Variants in DLG2 observed in about 807,000 individuals in gnomAD.
DLG2 encodes disks large homolog 2.
In DLG2, 45 loss-of-function variants were observed where a neutral mutation model predicts 132.5. That is an observed-to-expected ratio of 0.34 (90% CI 0.27 to 0.44). The LOEUF (loss-of-function observed/expected upper bound fraction) is 0.44, where lower values mean the gene tolerates loss of function less well. DLG2 is among the 20% of genes least tolerant of loss of function. The pLI, the probability that DLG2 is intolerant of heterozygous loss-of-function variation, is 1.00. For missense variants in DLG2, 1,045 were observed against 1,196.9 expected (o/e 0.87, Z 1.87); for synonymous variants, 424 against 419.6 (o/e 1.01, Z -0.13).
intron 3 of DLG2, among the ~76,000 whole-genome samples, chr11:85,494,895 A>T (rs1311875114): frequency 1.1e-4 from 1 of 9,062 alleles, no homozygotes; most frequent in African/African-American, 1.4e-4. Context: ...GTGATACCAT[A>T]AAAAAAACAG....
At chr11:84,735,378 G>T (rs1440483282) in intron 6 of DLG2, among the ~76,000 whole-genome samples, 1 of 152,134 alleles carries the variant, frequency 6.6e-6, no homozygotes, top group Non-Finnish European at 1.5e-5. Flanking sequence ...GGATATATGT[G>T]TCAAGGAATT....
chr11:83,470,182 A>G (rs1396404159), intron 24 of DLG2, among the ~76,000 whole-genome samples: 1 of 152,028 alleles, frequency 6.6e-6, no homozygotes, highest in Non-Finnish European at 1.5e-5. Context: ...TATTTTTGTC[A>G]CAATTCATAA....
intron 21 of DLG2, among the ~76,000 whole-genome samples, chr11:83,496,560 G>A (rs1334983702): frequency 2.0e-5 from 3 of 152,014 alleles, no homozygotes; most frequent in Non-Finnish European, 4.4e-5. Context: ...TCCATCAACA[G>A]GTAAATTAAT....
At chr11:84,380,263 T>G (rs2098744698) in intron 7 of DLG2, among the ~76,000 whole-genome samples, 2 of 141,344 alleles carry the variant, frequency 1.4e-5, no homozygotes, top group African/African-American at 5.9e-5. Context: ...AGTGGGAGTC[T>G]TGATCTAATT....
At chr11:84,281,531 G>A (rs373240924) in intron 7 of DLG2, among the ~76,000 whole-genome samples, 2 of 151,360 alleles carry the variant, frequency 1.3e-5, no homozygotes, top group East Asian at 3.9e-4. Flanking sequence ...ATGCTGGTGT[G>A]CTGCACCCAT....
At chr11:84,481,082 G>C (rs1227934961) in intron 7 of DLG2, among the ~76,000 whole-genome samples, 1 of 151,958 alleles carries the variant, frequency 6.6e-6, no homozygotes, top group African/African-American at 2.4e-5. Context: ...ACTCCCTCTA[G>C]AATTGAGACT....
intron 6 of DLG2, among the ~76,000 whole-genome samples, chr11:85,055,981 G>A (rs1433110160): frequency 6.6e-6 from 1 of 152,122 alleles, no homozygotes; most frequent in African/African-American, 2.4e-5. Context: ...CTGTACTCTA[G>A]CTGCACTTAA....
chr11:85,112,878 C>T (rs1015530937), intron 5 of DLG2, among the ~76,000 whole-genome samples: 1 of 152,034 alleles, frequency 6.6e-6, no homozygotes, highest in Non-Finnish European at 1.5e-5. Flanking sequence ...GCCATGTCAT[C>T]ATCCAATCTG....
intron 6 of DLG2, among the ~76,000 whole-genome samples, chr11:84,973,621 T>A (rs866027790): frequency 1.3e-4 from 20 of 152,206 alleles, no homozygotes; most frequent in Admixed American, 2.6e-4. Flanking sequence ...GGAAAATGTC[T>A]TATACTTCTT....
chr11:83,721,616 T>A (rs1311862306), intron 18 of DLG2, among the ~76,000 whole-genome samples: 1 of 152,214 alleles, frequency 6.6e-6, no homozygotes, highest in African/African-American at 2.4e-5. Flanking sequence ...CAAAAATGGA[T>A]AATTCAAAGA....
intron 7 of DLG2, among the ~76,000 whole-genome samples, chr11:84,308,060 C>A (rs532507628): frequency 1.5e-4 from 23 of 152,300 alleles, no homozygotes; most frequent in African/African-American, 5.1e-4. Context: ...AAAGCCCCCA[C>A]AACGCAGAAG....
intron 6 of DLG2, among the ~76,000 whole-genome samples, chr11:84,853,982 G>A (rs2082466437): frequency 6.6e-6 from 1 of 151,958 alleles, no homozygotes; most frequent in Non-Finnish European, 1.5e-5. Flanking sequence ...TGTGAGCTCT[G>A]GAGGCCTGCA....
intron 6 of DLG2, among the ~76,000 whole-genome samples, chr11:84,553,727 T>C (rs1013398891): frequency 2.0e-5 from 3 of 152,220 alleles, no homozygotes; most frequent in African/African-American, 7.2e-5. Flanking sequence ...TTGAGAAGGT[T>C]GGTACAGTCT....
chr11:83,596,511 A>G (rs1381354393), intron 19 of DLG2, among the ~76,000 whole-genome samples: 1 of 152,052 alleles, frequency 6.6e-6, no homozygotes, highest in East Asian at 1.9e-4. Flanking sequence ...ATAATCCCCA[A>G]CTGGTTTACC....
At chr11:84,312,842 GCT>G (rs1169983078) in intron 7 of DLG2, among the ~76,000 whole-genome samples, 1 of 151,844 alleles carries the variant, frequency 6.6e-6, no homozygotes, top group Non-Finnish European at 1.5e-5. Flanking sequence ...ATGGAGTCTT[GCT>G]CTGTCACCAG....
intron 6 of DLG2, among the ~76,000 whole-genome samples, chr11:84,709,367 A>C (rs1278739013): frequency 2.0e-5 from 3 of 151,988 alleles, no homozygotes; most frequent in African/African-American, 7.2e-5. Flanking sequence ...ATGCAAATAA[A>C]AGTGAAAAGA....
chr11:85,126,136 G>C (rs550565255), intron 5 of DLG2, among the ~76,000 whole-genome samples: 9 of 152,328 alleles, frequency 5.9e-5, no homozygotes, highest in Non-Finnish European at 8.8e-5. Context: ...ACGGCGGGAA[G>C]CCAGCAAGGC....
At chr11:83,655,828 C>G (rs960300596) in intron 18 of DLG2, among the ~76,000 whole-genome samples, 1 of 152,174 alleles carries the variant, frequency 6.6e-6, no homozygotes, top group African/African-American at 2.4e-5. Context: ...TTCCACTGCC[C>G]CCAATGTGTA....
chr11:83,823,094 C>A (rs1025552648), intron 17 of DLG2, among the ~76,000 whole-genome samples: 1 of 152,050 alleles, frequency 6.6e-6, no homozygotes, highest in Non-Finnish European at 1.5e-5. Flanking sequence ...TAATGCAAAT[C>A]TAAGGGTTAT....
Sources: gnomAD v4.1 joint callset for allele counts (sites outside exome capture counted in the v4.1 genomes callset) on GRCh38, gnomAD v4.1.1 for gene constraint, MANE v1.5 for transcripts, NCBI Gene and HGNC (gene_info 2026-07-23, HGNC 2026-07-21) for gene names.